Variants in SPATA17 observed in about 807,000 individuals in gnomAD.
The protein encoded by SPATA17 is spermatogenesis-associated protein 17.
Under a neutral mutation model 62.2 loss-of-function variants are expected in SPATA17, and 53 were observed. The observed-to-expected ratio is 0.85, with a 90% CI of 0.68 to 1.07. SPATA17 has a LOEUF of 1.07. SPATA17 is among the 50% of genes least tolerant of loss of function. The pLI is 0.00. For missense variants in SPATA17, 466 were observed against 425.5 expected (o/e 1.10, Z -0.84); for synonymous variants, 146 against 146.8 (o/e 0.99, Z 0.04).
intron 9 of SPATA17, among the ~76,000 whole-genome samples, chr1:217,849,540 T>TA (rs938105286): frequency 1.7e-4 from 26 of 151,770 alleles, no homozygotes; most frequent in African/African-American, 4.8e-4. Flanking sequence ...AATTAAGAAA[T>TA]AAAAAAAAAT....
At chr1:217,685,220 C>T (rs926914986) in intron 5 of SPATA17, among the ~76,000 whole-genome samples, 2 of 152,112 alleles carry the variant, frequency 1.3e-5, no homozygotes, top group Non-Finnish European at 2.9e-5. Context: ...ACTTTCATAA[C>T]CCCAAGAGTG....
chr1:217,840,459 T>C (rs981110103), intron 9 of SPATA17, among the ~76,000 whole-genome samples: 3 of 151,854 alleles, frequency 2.0e-5, no homozygotes, highest in African/African-American at 4.8e-5. Context: ...TAAATAAAGT[T>C]CATCACTGCT....
chr1:217,774,274 C>A, intron 6 of SPATA17, 60 bp from the exon 7 acceptor site: 1 of 1,442,428 alleles, frequency 6.9e-7, no homozygotes, highest in Non-Finnish European at 9.6e-7. Flanking sequence ...TGGTACAACT[C>A]TTTCCTTTAT....
At chr1:217,684,422 AT>A (rs905937479) in intron 5 of SPATA17, among the ~76,000 whole-genome samples, 37 of 149,532 alleles carry the variant, frequency 2.5e-4, no homozygotes, top group Middle Eastern at 3.4e-3. Context: ...TTACTCTTTT[AT>A]TTTTTTTTTG....
At chr1:217,751,242 A>G (rs146675445) in intron 6 of SPATA17, among the ~76,000 whole-genome samples, 2,609 of 152,328 alleles carry the variant, frequency 0.017, 40 homozygotes, top group Non-Finnish European at 0.026. Flanking sequence ...AATTGCTCAA[A>G]GCAATTTATT....
At chr1:217,842,288 G>T (rs1675426499) in intron 9 of SPATA17, among the ~76,000 whole-genome samples, 1 of 151,822 alleles carries the variant, frequency 6.6e-6, no homozygotes, top group Non-Finnish European at 1.5e-5. Flanking sequence ...GACAGTCCTT[G>T]TCAAGTTTTA....
At chr1:217,794,116 A>AT (rs1491184728) in intron 8 of SPATA17, among the ~76,000 whole-genome samples, 58 of 129,176 alleles carry the variant, frequency 4.5e-4, no homozygotes, top group African/African-American at 1.6e-3. Flanking sequence ...ACTCCGTCAC[A>AT]AAAAAAAAAA....
chr1:217,860,085 C>A (rs1301222257), intron 9 of SPATA17, among the ~76,000 whole-genome samples: 1 of 152,094 alleles, frequency 6.6e-6, no homozygotes, highest in Non-Finnish European at 1.5e-5. Flanking sequence ...TCTCACAAAT[C>A]TGATGGGTTG....
At chr1:217,717,350 C>T (rs1324486336) in intron 5 of SPATA17, among the ~76,000 whole-genome samples, 1 of 152,148 alleles carries the variant, frequency 6.6e-6, no homozygotes, top group African/African-American at 2.4e-5. Context: ...TGGCTCACAC[C>T]TGTAATCCTA....
chr1:217,782,405 A>C, intron 8 of SPATA17, 83 bp downstream of exon 8: 2 of 1,383,290 alleles, frequency 1.4e-6, no homozygotes, highest in Non-Finnish European at 1.9e-6. Context: ...AATACTGTAA[A>C]AAATCTTTTA....
chr1:217,775,150 T>C (rs1038361492), intron 7 of SPATA17, among the ~76,000 whole-genome samples: 2 of 152,238 alleles, frequency 1.3e-5, no homozygotes, highest in African/African-American at 2.4e-5. Flanking sequence ...CACATTCTTG[T>C]TGCAGTTTTG....
intron 4 of SPATA17, among the ~76,000 whole-genome samples, chr1:217,681,701 T>A (rs1043430089): frequency 6.6e-6 from 1 of 152,152 alleles, no homozygotes; most frequent in African/African-American, 2.4e-5. Flanking sequence ...CCAGCCATGT[T>A]TAATATCTTA....
intron 5 of SPATA17, among the ~76,000 whole-genome samples, chr1:217,725,173 CCAA>C: frequency 6.6e-6 from 1 of 152,208 alleles, no homozygotes; most frequent in Non-Finnish European, 1.5e-5. Flanking sequence ...TTTTTAATGA[CCAA>C]CAAGTTATTC....
chr1:217,821,216 G>A (rs1038188048), intron 9 of SPATA17, among the ~76,000 whole-genome samples: 1 of 152,048 alleles, frequency 6.6e-6, no homozygotes. Context: ...GAGATAAAGA[G>A]ATTATATCCA....
chr1:217,758,940 A>C (rs1363038299), intron 6 of SPATA17, among the ~76,000 whole-genome samples: 1 of 152,130 alleles, frequency 6.6e-6, no homozygotes, highest in East Asian at 1.9e-4. Context: ...TCACCATTCC[A>C]TTTATGTGAA....
At position 217,818,285 on chromosome 1, in the gene SPATA17, TCTGA is replaced by T. The variant is rs1353639322; in HGVS notation, c.1005+16438_1005+16441del. The stretch of plus-strand genomic sequence containing the variant: ...TGGACATCACAATTTACGGGAATGC[TCTGA>T]CTAATTTTCTTTGTCTTTAAACATT... On this transcript the variant is annotated intron_variant, in intron 9 of 10. Coordinates refer to ENST00000366933, the MANE Select transcript of SPATA17 (RefSeq NM_138796.4). Among the ~76,000 whole-genome samples the T allele has an allele frequency of 2.6e-5, 4 of 152,176 alleles. No homozygotes were observed. In the South Asian group the frequency reaches 8.3e-4, roughly 31 times the overall value.
chr1:217,769,320 T>A (rs1025911542), intron 6 of SPATA17, among the ~76,000 whole-genome samples: 3 of 152,192 alleles, frequency 2.0e-5, no homozygotes, highest in African/African-American at 4.8e-5. Context: ...AAAGGTGAAT[T>A]TTCCAATAGA....
intron 5 of SPATA17, among the ~76,000 whole-genome samples, chr1:217,691,113 A>G (rs1464163725): frequency 6.8e-6 from 1 of 146,118 alleles, no homozygotes; most frequent in African/African-American, 2.5e-5. Flanking sequence ...CCAACAGTGT[A>G]AAAGTGTTCC....
Position 217,870,929 on chromosome 1 carries a change from A to G in SPATA17, c.*3910A>G, listed in dbSNP as rs908029875. 6.6e-6 allele frequency: 1 copy of G among 152,220 alleles called. No individual in the cohort carries two copies. The highest frequency in any genetic ancestry group is 2.4e-5 in the African/African-American group (1 of 41,466). The allele number at this position is 152,220 out of a possible 1,614,324, so 9.4% of individuals were successfully genotyped here. A position where few individuals can be genotyped will look rare whatever the true frequency, so the allele number is the denominator to read the frequency against. On this transcript the variant is annotated 3_prime_UTR_variant, in exon 11 of 11. Coordinates refer to ENST00000366933, the MANE Select transcript of SPATA17 (RefSeq NM_138796.4). ...TCCATCGAATGTGCTAATGATAAATAAAGAAGTTCAAAAAAATCTTTTAAT... is the reference window on the plus strand; with the variant it reads ...TCCATCGAATGTGCTAATGATAAATGAAGAAGTTCAAAAAAATCTTTTAAT...
Sources: gnomAD v4.1 joint callset for allele counts (sites outside exome capture counted in the v4.1 genomes callset) on GRCh38, gnomAD v4.1.1 for gene constraint, MANE v1.5 for transcripts, NCBI Gene and HGNC (gene_info 2026-07-23, HGNC 2026-07-21) for gene names.